Variants in SYNPR observed in about 807,000 individuals in gnomAD.
SYNPR encodes synaptoporin.
Under a neutral mutation model 32.9 loss-of-function variants are expected in SYNPR, and 23 were observed. That is an observed-to-expected ratio of 0.70 (90% CI 0.50 to 0.99). The LOEUF is 0.99. SYNPR is among the 50% of genes least tolerant of loss of function. The pLI is 0.00. For missense variants in SYNPR, 318 were observed against 349.3 expected (o/e 0.91, Z 0.71); for synonymous variants, 146 against 135.9 (o/e 1.07, Z -0.52).
chr3:63,385,924 C>T (rs1462016270), intron 2 of SYNPR, among the ~76,000 whole-genome samples: 1 of 152,150 alleles, frequency 6.6e-6, no homozygotes, highest in African/African-American at 2.4e-5. Context: ...CATAGACTAT[C>T]GAAGCTAAGA....
intron 2 of SYNPR, among the ~76,000 whole-genome samples, chr3:63,259,078 T>G (rs182260734): frequency 2.0e-5 from 3 of 152,228 alleles, no homozygotes. Flanking sequence ...GAGGCAATAA[T>G]TAATATCTTA....
intron 1 of SYNPR, among the ~76,000 whole-genome samples, chr3:63,246,319 G>A (rs1026724003): frequency 2.0e-5 from 3 of 152,200 alleles, no homozygotes; most frequent in Admixed American, 2.0e-4. Context: ...TTATAGAGCT[G>A]ATGTTGGAGG....
At chr3:63,401,083 G>A (rs2107101338) in intron 2 of SYNPR, among the ~76,000 whole-genome samples, 1 of 152,172 alleles carries the variant, frequency 6.6e-6, no homozygotes. Flanking sequence ...CAGCTCGAGA[G>A]GGAGGTGGTT....
chr3:63,255,036 TC>T (rs1161169395), intron 2 of SYNPR, among the ~76,000 whole-genome samples: 1 of 152,108 alleles, frequency 6.6e-6, no homozygotes, highest in African/African-American at 2.4e-5. Flanking sequence ...AAAATACATT[TC>T]TGTTCAAGAT....
the SYNPR span, among the ~76,000 whole-genome samples, chr3:63,202,585 T>C: frequency 1.0e-5 from 1 of 96,564 alleles, no homozygotes; most frequent in African/African-American, 3.7e-5. Flanking sequence ...GGGTTGAGGA[T>C]ATGAAAAGAT....
At chr3:63,266,849 C>T (rs998508798) in intron 2 of SYNPR, among the ~76,000 whole-genome samples, 2 of 151,936 alleles carry the variant, frequency 1.3e-5, no homozygotes, top group Non-Finnish European at 2.9e-5. Flanking sequence ...GCCATGGTGC[C>T]GGGAGTCCAT....
At chr3:63,421,216 G>A (rs1392685804) in intron 2 of SYNPR, among the ~76,000 whole-genome samples, 2 of 152,110 alleles carry the variant, frequency 1.3e-5, no homozygotes, top group South Asian at 2.1e-4. Flanking sequence ...GGATGCTCAG[G>A]TAGATAACAC....
At chr3:63,487,452 CT>C (rs1559514005) in intron 3 of SYNPR, among the ~76,000 whole-genome samples, 2 of 152,146 alleles carry the variant, frequency 1.3e-5, no homozygotes, top group African/African-American at 2.4e-5. Flanking sequence ...CTTTTGGCTA[CT>C]ATTTTTATTT....
chr3:63,221,345 G>A, the SYNPR span, among the ~76,000 whole-genome samples: 4 of 152,196 alleles, frequency 2.6e-5, no homozygotes, highest in South Asian at 8.3e-4. Context: ...CTCTAGGGTT[G>A]AGCATTCAAT....
intron 2 of SYNPR, among the ~76,000 whole-genome samples, chr3:63,278,974 A>T (rs901458613): frequency 1.3e-5 from 2 of 152,070 alleles, no homozygotes; most frequent in Non-Finnish European, 2.9e-5. Flanking sequence ...GGGCTTAGAC[A>T]AGTGTCGTCT....
intron 2 of SYNPR, among the ~76,000 whole-genome samples, chr3:63,462,529 G>C (rs1700603796): frequency 6.6e-6 from 1 of 152,138 alleles, no homozygotes; most frequent in African/African-American, 2.4e-5. Flanking sequence ...CTTGAAGTCA[G>C]TGGTGTGAAT....
chr3:63,241,004 CT>C (rs2086237909), intron 1 of SYNPR, among the ~76,000 whole-genome samples: 1 of 151,958 alleles, frequency 6.6e-6, no homozygotes, highest in Non-Finnish European at 1.5e-5. Context: ...TAAAATGACC[CT>C]TATTTATCTT....
rs1222437140 is a variant in SYNPR at position 63,556,725 on chromosome 3, A to C, written c.392A>C (p.Asn131Thr). 7 of 1,612,918 alleles carry C rather than the reference A, an allele frequency of 4.3e-6. No individual in the cohort carries two copies. The highest frequency in any genetic ancestry group is 5.9e-6 in the Non-Finnish European group (7 of 1,179,506). ...IFFQNKYRENNRGPLIDFIVT... is the reference protein window; with the variant it reads ...IFFQNKYRENTRGPLIDFIVT... ...TTCCAGAACAAATACCGGGAAAACA[A>C]CCGGGGCCCACTCATTGTAAGTGGT... is the stretch of plus-strand genomic sequence containing the variant. The change falls in exon 4 of 6, where the codon AAC becomes ACC. Residue 131 changes from asparagine (N) to threonine (T), a missense_variant. Transcript: ENST00000478300.
chr3:63,597,219 A>G (rs1401466296), intron 4 of SYNPR, among the ~76,000 whole-genome samples: 1 of 152,142 alleles, frequency 6.6e-6, no homozygotes, highest in Non-Finnish European at 1.5e-5. Flanking sequence ...CAGGGCCACA[A>G]TTATTATTCT....
intron 2 of SYNPR, among the ~76,000 whole-genome samples, chr3:63,325,263 C>T (rs573672071): frequency 3.9e-4 from 59 of 152,162 alleles, no homozygotes; most frequent in Non-Finnish European, 7.8e-4. Context: ...TTCACATGTA[C>T]CAAGCATTTG....
At chr3:63,424,274 AT>A (rs1186539031) in intron 2 of SYNPR, among the ~76,000 whole-genome samples, 1 of 152,086 alleles carries the variant, frequency 6.6e-6, no homozygotes, top group Non-Finnish European at 1.5e-5. Flanking sequence ...TGAAGAGCTT[AT>A]TTTTTTGAAA....
intron 3 of SYNPR, among the ~76,000 whole-genome samples, chr3:63,507,195 A>C (rs966288272): frequency 6.6e-6 from 1 of 151,946 alleles, no homozygotes; most frequent in East Asian, 1.9e-4. Flanking sequence ...GCTCTTTACC[A>C]ACAGATGCTC....
chr3:63,421,291 A>G (rs1699794148), intron 2 of SYNPR, among the ~76,000 whole-genome samples: 1 of 152,086 alleles, frequency 6.6e-6, no homozygotes, highest in African/African-American at 2.4e-5. Flanking sequence ...AGAGAAATAA[A>G]AACATACATC....
At chr3:63,589,171 G>A (rs1396124193) in intron 4 of SYNPR, among the ~76,000 whole-genome samples, 1 of 152,032 alleles carries the variant, frequency 6.6e-6, no homozygotes, top group African/African-American at 2.4e-5. Context: ...AGACTGCTTT[G>A]AGAACCATCC....
Sources: gnomAD v4.1 joint callset for allele counts (sites outside exome capture counted in the v4.1 genomes callset) on GRCh38, gnomAD v4.1.1 for gene constraint, MANE v1.5 for transcripts, NCBI Gene and HGNC (gene_info 2026-07-23, HGNC 2026-07-21) for gene names.